Variants in ADAM20 observed in about 807,000 individuals in gnomAD.
The protein encoded by ADAM20 is ADAM metallopeptidase domain 20.
For synonymous variants in ADAM20, 305 were observed against 310.2 expected (o/e 0.98, Z 0.18); for missense variants, 871 against 883.2 (o/e 0.99, Z 0.18).
At chr14:70,561,239 T>C in the ADAM20 span, among the ~76,000 whole-genome samples, 1 of 152,246 alleles carries the variant, frequency 6.6e-6, no homozygotes, top group African/African-American at 2.4e-5. Flanking sequence ...GAAATCTATG[T>C]AACTTTGGAC....
chr14:70,562,573 G>T, the ADAM20 span, among the ~76,000 whole-genome samples: 3 of 152,176 alleles, frequency 2.0e-5, no homozygotes, highest in East Asian at 5.8e-4. Context: ...TCTCATGTTG[G>T]AGGAGGGGCT....
At chr14:70,556,971 T>C in the ADAM20 span, 1 of 152,204 alleles carries the variant, frequency 6.6e-6, no homozygotes, top group Non-Finnish European at 1.5e-5. Flanking sequence ...ACGATGTTGA[T>C]ATATTTTTGG....
the ADAM20 span, among the ~76,000 whole-genome samples, chr14:70,558,830 T>C: frequency 6.6e-6 from 1 of 152,224 alleles, no homozygotes; most frequent in Admixed American, 6.5e-5. Context: ...TTGAATTGCT[T>C]TCTTCATTTG....
chr14:70,561,647 C>T, the ADAM20 span, among the ~76,000 whole-genome samples: 1 of 152,262 alleles, frequency 6.6e-6, no homozygotes, highest in Non-Finnish European at 1.5e-5. Context: ...CCCAACTGCT[C>T]TGTGCAGCCT....
chr14:70,533,156 T>C (rs28667286), intron 1 of ADAM20, among the ~76,000 whole-genome samples: 16,624 of 152,086 alleles, frequency 0.11, 1,399 homozygotes, highest in Admixed American at 0.23. Flanking sequence ...TTGGCGAGAG[T>C]GTAAATTAGT....
chr14:70,554,458 A>G, the ADAM20 span, among the ~76,000 whole-genome samples: 1 of 152,214 alleles, frequency 6.6e-6, no homozygotes. Context: ...AGCATTATTC[A>G]CATAGCTAAG....
At chr14:70,543,563 C>A in the ADAM20 span, among the ~76,000 whole-genome samples, 1 of 152,168 alleles carries the variant, frequency 6.6e-6, no homozygotes, top group Non-Finnish European at 1.5e-5. Context: ...ACCAAAACAA[C>A]CAAATAGATT....
the ADAM20 span, among the ~76,000 whole-genome samples, chr14:70,559,490 T>G: frequency 6.6e-6 from 1 of 152,182 alleles, no homozygotes; most frequent in Non-Finnish European, 1.5e-5. Flanking sequence ...ATTCTTATAC[T>G]CGACACTCAA....
chr14:70,534,372 T>G (rs1883785305), intron 1 of ADAM20, among the ~76,000 whole-genome samples: 2 of 152,086 alleles, frequency 1.3e-5, no homozygotes, highest in African/African-American at 2.4e-5. Context: ...TTTATCCAAA[T>G]TATCAAAATC....
Position 70,524,337 on chromosome 14 carries a change from G to T in ADAM20, c.421C>A (p.Leu141Ile). The change falls in exon 2 of 2, where the codon CTT becomes ATT. Residue 141 changes from leucine to isoleucine, a missense_variant. By Grantham distance (5) the Leu-to-Ile change is conservative. Transcript: ENST00000256389. ...GFLGMLQIND[L>I]VYEIKPISVS... ...CTAATTGGCTTGATTTCATAAACAAGGTCATTTATCTGTAGCATTCCAAGA... is the reference window on the plus strand; with the variant it reads ...CTAATTGGCTTGATTTCATAAACAATGTCATTTATCTGTAGCATTCCAAGA... 6.2e-7 allele frequency: 1 copy of T among 1,613,946 alleles called. No homozygotes were observed. The highest frequency in any genetic ancestry group is 8.5e-7 in the Non-Finnish European group (1 of 1,179,932).
the ADAM20 span, among the ~76,000 whole-genome samples, chr14:70,561,203 A>G: frequency 1.3e-5 from 2 of 152,260 alleles, no homozygotes; most frequent in East Asian, 3.8e-4. Context: ...TAGCAAAGAC[A>G]CTGGTGGCAT....
At chr14:70,568,333 A>G in the ADAM20 span, among the ~76,000 whole-genome samples, 33 of 151,714 alleles carry the variant, frequency 2.2e-4, no homozygotes, top group African/African-American at 7.8e-4. Flanking sequence ...ATCATACACA[A>G]CATACACCAC....
At chr14:70,525,003 T>C in intron 1 of ADAM20, 70 bp from the exon 2 acceptor site, 1 of 1,315,264 alleles carries the variant, frequency 7.6e-7, no homozygotes, top group Non-Finnish European at 1.0e-6. Flanking sequence ...GCAAAGTGAT[T>C]CCTGCATTTG....
chr14:70,542,764 C>A, the ADAM20 span, among the ~76,000 whole-genome samples: 205 of 152,266 alleles, frequency 1.3e-3, 1 homozygote, highest in Admixed American at 3.5e-3. Context: ...CATGGTGAAA[C>A]CCTGTCTCTA....
the ADAM20 span, among the ~76,000 whole-genome samples, chr14:70,545,030 A>C: frequency 6.6e-6 from 1 of 152,228 alleles, no homozygotes; most frequent in Non-Finnish European, 1.5e-5. Context: ...ACTAAGGAAC[A>C]ACTTTATGGC....
intron 1 of ADAM20, among the ~76,000 whole-genome samples, chr14:70,526,660 T>C (rs529301695): frequency 2.0e-5 from 3 of 152,320 alleles, no homozygotes; most frequent in African/African-American, 7.2e-5. Context: ...GTCCTTGTCA[T>C]CAATGCATTA....
At chr14:70,573,786 C>T in the ADAM20 span, among the ~76,000 whole-genome samples, 1 of 151,980 alleles carries the variant, frequency 6.6e-6, no homozygotes, top group East Asian at 1.9e-4. Flanking sequence ...TCACAAGACA[C>T]AAAAAAGATC....
chr14:70,542,285 G>A, the ADAM20 span, among the ~76,000 whole-genome samples: 14 of 152,222 alleles, frequency 9.2e-5, no homozygotes, highest in East Asian at 3.9e-4. Flanking sequence ...AGTTCAATAC[G>A]AATCTGTTTT....
the ADAM20 span, among the ~76,000 whole-genome samples, chr14:70,553,657 G>A: frequency 6.6e-6 from 1 of 151,650 alleles, no homozygotes; most frequent in Non-Finnish European, 1.5e-5. Context: ...AATCAGCGTG[G>A]TACATCATAT....
Sources: allele counts gnomAD v4.1 joint callset (sites outside exome capture counted in the v4.1 genomes callset), GRCh38; gene constraint gnomAD v4.1.1; transcripts MANE v1.5; gene names NCBI Gene and HGNC (gene_info 2026-07-23, HGNC 2026-07-21).